MAP2K5: variants seen among roughly 807,000 people sequenced by gnomAD.
MAP2K5 encodes mitogen-activated protein kinase kinase 5.
A neutral mutation model predicts 83.1 loss-of-function variants in MAP2K5; 49 were observed. That is an observed-to-expected ratio of 0.59 (90% CI 0.47 to 0.75). The LOEUF (loss-of-function observed/expected upper bound fraction) is 0.75, where lower values mean the gene tolerates loss of function less well. Among genes scored for constraint, MAP2K5 ranks in the 30% least tolerant of loss-of-function variants. The probability of loss-of-function intolerance (pLI) is 0.00; values close to 1 mark genes in which losing one functional copy is unlikely to be tolerated. For missense variants in MAP2K5, 457 were observed against 557.5 expected, an observed-to-expected ratio of 0.82 and a Z score of 1.82; for synonymous variants, 202 against 191.8, an observed-to-expected ratio of 1.05 and a Z score of -0.44.
intron 12 of MAP2K5, among the ~76,000 whole-genome samples, chr15:67,662,342 C>T (rs1403819119): frequency 6.6e-6 from 1 of 152,068 alleles, no homozygotes; most frequent in Non-Finnish European, 1.5e-5. Flanking sequence ...AGCCCCTAAC[C>T]TTTTCTTACC....
intron 8 of MAP2K5, among the ~76,000 whole-genome samples, chr15:67,608,068 A>T (rs1159360239): frequency 6.6e-6 from 1 of 152,230 alleles, no homozygotes; most frequent in African/African-American, 2.4e-5. Context: ...TTATTTATAA[A>T]GACGTTTAAA....
intron 9 of MAP2K5, chr15:67,641,488 C>G: frequency 1.0e-6 from 1 of 1,000,576 alleles, no homozygotes; most frequent in Non-Finnish European, 1.2e-6. Context: ...TCATCCATGA[C>G]AGCTTGTGAT....
At chr15:67,594,668 G>A (rs2085486384) in intron 7 of MAP2K5, among the ~76,000 whole-genome samples, 1 of 152,118 alleles carries the variant, frequency 6.6e-6, no homozygotes, top group Non-Finnish European at 1.5e-5. Flanking sequence ...CTATATGGTG[G>A]GAGGTTGTCC....
rs1218064479 is a variant in MAP2K5 at position 67,802,746 on chromosome 15, T to C, written c.1243-3900T>C. Among the ~76,000 whole-genome samples the C allele has an allele frequency of 6.6e-6, 1 of 152,236 alleles. No individual in the cohort carries two copies. The highest frequency in any genetic ancestry group is 2.4e-5 in the African/African-American group (1 of 41,460). The stretch of plus-strand genomic sequence containing the variant: ...GTGGAAGATGCTCTTGACAAGCATC[T>C]GTATTGGTGCCTGGGTTCCAGGGAG... On this transcript the variant is annotated intron_variant, in intron 21 of 21. Coordinates refer to ENST00000178640, the MANE Select transcript of MAP2K5 (RefSeq NM_145160.3). The surrounding 1 kb of genome is among the most constrained non-coding windows in gnomAD (Gnocchi z 5.0).
rs2088777375 is a variant in MAP2K5, at chr15:67,714,413, G to GA, written c.1044+11005_1044+11006insA. Among the ~76,000 whole-genome samples, 126 of 42,678 alleles carry GA rather than the reference G, an allele frequency of 3.0e-3. 56 individuals are homozygous for GA. Among genetic ancestry groups the GA allele is most frequent in the African/African-American group, 9.4e-3 (120 of 12,736 alleles). 28.0% of individuals were successfully genotyped at this position (42,678 alleles called of 152,430 possible). ...CCCCCCACCCCTACCCAGCTGCCAG[G>GA]GAAAAAAAAAAAAAAAAAAAAAAAA... On this transcript the variant is annotated intron_variant, in intron 16 of 21. Coordinates refer to ENST00000178640, the MANE Select transcript of MAP2K5 (RefSeq NM_145160.3).
At chr15:67,554,231 G>A (rs2084577592) in intron 2 of MAP2K5, among the ~76,000 whole-genome samples, 1 of 151,986 alleles carries the variant, frequency 6.6e-6, no homozygotes, top group Non-Finnish European at 1.5e-5. Flanking sequence ...GCTAACTTTT[G>A]TATATTTTGT....
intron 13 of MAP2K5, chr15:67,679,971 A>G (rs1334552386): frequency 1.3e-5 from 2 of 152,220 alleles, no homozygotes; most frequent in Admixed American, 6.5e-5. Context: ...TTCATTGGCA[A>G]TCACTCCCTG....
chr15:67,596,775 A>C (rs2085535320), intron 7 of MAP2K5, among the ~76,000 whole-genome samples: 2 of 152,306 alleles, frequency 1.3e-5, no homozygotes, highest in South Asian at 4.1e-4. Context: ...TTGACATGTA[A>C]TTGTAACTCC....
At chr15:67,557,512 A>G (rs1193269797) in intron 2 of MAP2K5, among the ~76,000 whole-genome samples, 1 of 152,070 alleles carries the variant, frequency 6.6e-6, no homozygotes, top group African/African-American at 2.4e-5. Flanking sequence ...ACCCCATTTT[A>G]TACTCTCTCC....
In MAP2K5 at chr15:67,738,072, G is replaced by A. The variant is rs555597076; in HGVS notation, c.1074+10127G>A. ...TCGCCATGTTGGCCAGGCTGGTCTC[G>A]AACTCCCGACCTCAGGTGACCTGCC... On this transcript the variant is annotated intron_variant, in intron 17 of 21. Coordinates refer to ENST00000178640, the MANE Select transcript of MAP2K5 (RefSeq NM_145160.3). This position sits in a 1 kb window ranked among gnomAD's most constrained non-coding sequence, Gnocchi z 4.1. 2.0e-5 allele frequency among the ~76,000 whole-genome samples: 3 copies of A among 151,934 alleles called. No homozygotes were observed. Among genetic ancestry groups the A allele is most frequent in the African/African-American group, 4.8e-5 (2 of 41,414 alleles).
At chr15:67,672,407 T>C (rs2087564782) in intron 13 of MAP2K5, among the ~76,000 whole-genome samples, 1 of 151,982 alleles carries the variant, frequency 6.6e-6, no homozygotes, top group African/African-American at 2.4e-5. Context: ...ATTTCTCTGA[T>C]GGCCAGTGAT....
At chr15:67,582,475 A>G (rs1025734273) in intron 4 of MAP2K5, among the ~76,000 whole-genome samples, 3 of 152,140 alleles carry the variant, frequency 2.0e-5, no homozygotes, top group African/African-American at 7.2e-5. Flanking sequence ...TAATTTCTCT[A>G]TTGACATTAT....
At chr15:67,635,087 T>G (rs1264516576) in intron 9 of MAP2K5, among the ~76,000 whole-genome samples, 3 of 152,190 alleles carry the variant, frequency 2.0e-5, no homozygotes, top group Non-Finnish European at 4.4e-5. Flanking sequence ...TGTATTTTCA[T>G]TTCCCTCATC....
chr15:67,580,942 A>G (rs928134263), intron 4 of MAP2K5, 119 bp downstream of exon 4: 4 of 702,884 alleles, frequency 5.7e-6, no homozygotes, highest in African/African-American at 1.8e-5. Flanking sequence ...TTCGAAAAAC[A>G]AAAGAAGTAT....
At chr15:67,599,186 T>G (rs1280794901) in intron 7 of MAP2K5, among the ~76,000 whole-genome samples, 1 of 152,206 alleles carries the variant, frequency 6.6e-6, no homozygotes, top group Non-Finnish European at 1.5e-5. Context: ...CTTAAAATAT[T>G]TTTTTTCTGT....
At position 67,648,025 on chromosome 15, in the gene MAP2K5, G is replaced by A. The variant is rs184811887; in HGVS notation, c.736+1556G>A. Among the ~76,000 whole-genome samples the A allele has an allele frequency of 1.3e-4, 20 of 152,274 alleles. No individual in the cohort carries two copies. The East Asian group carries it at 3.5e-3, about 26-fold the overall frequency. ...ACTGCACTCCAGTCTAGGCAACAGA[G>A]TGAGACCCTGTATCAAAAAACAAAT... On this transcript the variant is annotated intron_variant, in intron 11 of 21. Transcript: ENST00000178640.
chr15:67,625,135 A>G (rs2086287628), intron 8 of MAP2K5, among the ~76,000 whole-genome samples: 1 of 152,246 alleles, frequency 6.6e-6, no homozygotes, highest in Non-Finnish European at 1.5e-5. Context: ...TACCAAGATT[A>G]CAAGTTAAGA....
In MAP2K5 at chr15:67,802,104, G is replaced by A. The variant is rs113967425; in HGVS notation, c.1243-4542G>A. Among the ~76,000 whole-genome samples, 1 of 152,164 alleles carries A rather than the reference G, an allele frequency of 6.6e-6. No individual in the cohort carries two copies. The highest frequency in any genetic ancestry group is 1.5e-5 in the Non-Finnish European group (1 of 68,036). ...CAAGCCCTGCCCCCTGCCTCCACGTGGGAGGGGCCCGGGAGTGTCCTGCTG... is the reference window on the plus strand; with the variant it reads ...CAAGCCCTGCCCCCTGCCTCCACGTAGGAGGGGCCCGGGAGTGTCCTGCTG... On this transcript the variant is annotated intron_variant, in intron 21 of 21. Transcript: ENST00000178640. The surrounding 1 kb of genome is among the most constrained non-coding windows in gnomAD (Gnocchi z 5.0).
chr15:67,715,621 C>T (rs1031262414), intron 16 of MAP2K5, among the ~76,000 whole-genome samples: 25 of 152,006 alleles, frequency 1.6e-4, no homozygotes, highest in Admixed American at 7.9e-4. Context: ...CATGTATACA[C>T]ACAAATACAC....
Sources: gnomAD v4.1 joint callset for allele counts (sites outside exome capture counted in the v4.1 genomes callset) on GRCh38, gnomAD v4.1.1 for gene constraint, Gnocchi (gnomAD v3.1) non-coding constraint, MANE v1.5 for transcripts, NCBI Gene and HGNC (gene_info 2026-07-23, HGNC 2026-07-21) for gene names.